Variants in PKNOX2 observed in about 807,000 individuals in gnomAD.
PKNOX2 encodes homeobox protein PKNOX2.
A neutral mutation model predicts 53.1 loss-of-function variants in PKNOX2; 14 were observed. The ratio of observed to expected loss-of-function variants is 0.26; its 90% CI spans 0.17 to 0.41. PKNOX2 has a LOEUF of 0.41. Among genes scored for constraint, PKNOX2 ranks in the 10% least tolerant of loss-of-function variants. PKNOX2 has a pLI of 1.00. For missense variants in PKNOX2, 496 were observed against 602.8 expected (o/e 0.82, Z 1.85); for synonymous variants, 257 against 242.8 (o/e 1.06, Z -0.54).
intron 1 of PKNOX2, among the ~76,000 whole-genome samples, chr11:125,192,495 G>A (rs903578603): frequency 2.6e-5 from 4 of 152,206 alleles, no homozygotes; most frequent in African/African-American, 9.6e-5. Context: ...CGCTGGGGGA[G>A]CCTGGCAGGA....
chr11:125,246,794 C>G (rs1943601349), intron 2 of PKNOX2, among the ~76,000 whole-genome samples: 1 of 152,126 alleles, frequency 6.6e-6, no homozygotes, highest in Non-Finnish European at 1.5e-5. Flanking sequence ...TCTACTTTTC[C>G]CTCTTAGGCC....
At chr11:125,403,474 A>G (rs1954878202) in intron 7 of PKNOX2, among the ~76,000 whole-genome samples, 1 of 152,182 alleles carries the variant, frequency 6.6e-6, no homozygotes, top group Non-Finnish European at 1.5e-5. Flanking sequence ...CATGGTGTGT[A>G]CTAGGTGCTT....
rs11220041 is a variant in PKNOX2, at chr11:125,387,250, G to C, written c.399+1528G>C. ...GCCAGGAGATGCCGCAGCCATTTCT[G>C]TAGGAGCTGGGATGGACCTGGGGGG... On this transcript the variant is annotated intron_variant, in intron 6 of 12. Coordinates refer to ENST00000298282, the MANE Select transcript of PKNOX2 (RefSeq NM_001382323.2). Among the ~76,000 whole-genome samples, 775 of 152,330 alleles carry C rather than the reference G, an allele frequency of 5.1e-3. 2 individuals carry two copies. The highest frequency in any genetic ancestry group is 7.9e-3 in the Non-Finnish European group (537 of 68,030).
intron 1 of PKNOX2, among the ~76,000 whole-genome samples, chr11:125,209,286 C>T (rs1369442002): frequency 6.6e-6 from 1 of 152,008 alleles, no homozygotes; most frequent in African/African-American, 2.4e-5. Flanking sequence ...ATCCTGTATG[C>T]TGGGCCAGTG....
intron 2 of PKNOX2, among the ~76,000 whole-genome samples, chr11:125,300,163 G>T (rs776535933): frequency 1.8e-4 from 27 of 152,322 alleles, no homozygotes; most frequent in Non-Finnish European, 3.1e-4. Context: ...TTTTGGAGTG[G>T]CTTCTTTGGA....
At chr11:125,168,438 G>T (rs1034208491) in intron 1 of PKNOX2, among the ~76,000 whole-genome samples, 1 of 152,238 alleles carries the variant, frequency 6.6e-6, no homozygotes. Context: ...GCAATAAATT[G>T]TATAAACACA....
intron 1 of PKNOX2, among the ~76,000 whole-genome samples, chr11:125,192,665 C>T (rs1384246310): frequency 6.6e-6 from 1 of 152,246 alleles, no homozygotes. Context: ...TTTCAGCAGC[C>T]CTGGAAGGGA....
chr11:125,320,951 A>T (rs1009598290), intron 2 of PKNOX2, among the ~76,000 whole-genome samples: 1 of 152,174 alleles, frequency 6.6e-6, no homozygotes, highest in Non-Finnish European at 1.5e-5. Flanking sequence ...TTCACTCTCA[A>T]AATTACTCCA....
chr11:125,213,404 G>T (rs2135459614), intron 1 of PKNOX2, among the ~76,000 whole-genome samples: 1 of 152,194 alleles, frequency 6.6e-6, no homozygotes, highest in African/African-American at 2.4e-5. Context: ...TGCTGGTTTT[G>T]AAAAATGCTT....
At chr11:125,341,998 C>T (rs74925373) in intron 3 of PKNOX2, among the ~76,000 whole-genome samples, 4,667 of 152,292 alleles carry the variant, frequency 0.031, 112 homozygotes, top group East Asian at 0.11. Flanking sequence ...GATCCCATTG[C>T]CATGGGCTCT....
At chr11:125,406,423 C>G (rs758903852) in intron 7 of PKNOX2, among the ~76,000 whole-genome samples, 1 of 152,214 alleles carries the variant, frequency 6.6e-6, no homozygotes, top group Admixed American at 6.5e-5. Context: ...GTGCGCAACC[C>G]CAGCTGAACC....
chr11:125,351,704 C>G (rs994667224), intron 4 of PKNOX2, among the ~76,000 whole-genome samples: 1 of 152,142 alleles, frequency 6.6e-6, no homozygotes, highest in African/African-American at 2.4e-5. Context: ...TTTGCTGTGA[C>G]TGGGGCAAAA....
At chr11:125,409,203 T>A (rs1172601192) in intron 7 of PKNOX2, among the ~76,000 whole-genome samples, 3 of 152,072 alleles carry the variant, frequency 2.0e-5, no homozygotes, top group African/African-American at 7.2e-5. Context: ...ACAAATTCTC[T>A]CCAAGCACCC....
At chr11:125,178,688 G>A (rs1211931504) in intron 1 of PKNOX2, among the ~76,000 whole-genome samples, 5,840 of 113,584 alleles carry the variant, frequency 0.051, 984 homozygotes, top group African/African-American at 0.23. Context: ...GAGAGAGAGA[G>A]AGAGAGAGAG....
At chr11:125,255,798 C>G (rs1944366677) in intron 2 of PKNOX2, among the ~76,000 whole-genome samples, 1 of 151,852 alleles carries the variant, frequency 6.6e-6, no homozygotes, top group South Asian at 2.1e-4. Context: ...GAGACTCTGC[C>G]CAGCACCAAC....
chr11:125,212,729 G>A (rs1237334265), intron 1 of PKNOX2, among the ~76,000 whole-genome samples: 3 of 151,938 alleles, frequency 2.0e-5, no homozygotes, highest in Non-Finnish European at 4.4e-5. Context: ...ATGATCCATA[G>A]AGCCAGCCCC....
At chr11:125,206,452 G>A (rs547373692) in intron 1 of PKNOX2, among the ~76,000 whole-genome samples, 1 of 152,102 alleles carries the variant, frequency 6.6e-6, no homozygotes, top group Non-Finnish European at 1.5e-5. Flanking sequence ...TCTGGTCCAA[G>A]GAGTGGCAAG....
At chr11:125,309,156 T>C (rs202095055) in intron 2 of PKNOX2, among the ~76,000 whole-genome samples, 433 of 136,842 alleles carry the variant, frequency 3.2e-3, no homozygotes, top group African/African-American at 0.011. Context: ...TCTTTCTTTC[T>C]TTCCTTCCTT....
At chr11:125,317,211 T>C (rs1399078870) in intron 2 of PKNOX2, among the ~76,000 whole-genome samples, 1 of 152,190 alleles carries the variant, frequency 6.6e-6, no homozygotes, top group Non-Finnish European at 1.5e-5. Context: ...CACCTGCAGC[T>C]ATTCCTCCCA....
Sources: gnomAD v4.1 joint callset for allele counts (sites outside exome capture counted in the v4.1 genomes callset) on GRCh38, gnomAD v4.1.1 for gene constraint, MANE v1.5 for transcripts, NCBI Gene and HGNC (gene_info 2026-07-23, HGNC 2026-07-21) for gene names.